The following WNK1 variants were observed in gnomAD, a reference collection of about 807,000 sequenced individuals.
WNK1 encodes WNK lysine deficient protein kinase 1, also known as serine/threonine-protein kinase WNK1.
In WNK1, 38 loss-of-function variants were observed where a neutral mutation model predicts 222.8. That is an observed-to-expected ratio of 0.17 (90% CI 0.13 to 0.22). The LOEUF is 0.22. Among genes scored for constraint, WNK1 ranks in the 10% least tolerant of loss-of-function variants. The pLI is 1.00. For missense variants in WNK1, 2,348 were observed against 2,918.4 expected (o/e 0.80, Z 4.50); for synonymous variants, 1,090 against 1,092.9 (o/e 1.00, Z 0.05).
intron 4 of WNK1, 83 bp from the exon 5 acceptor site, chr12:857,078 C>G (rs1336847575): frequency 2.8e-6 from 4 of 1,437,064 alleles, no homozygotes; most frequent in African/African-American, 1.4e-5. Context: ...AGAAAGGAAC[C>G]TAAAAGAACC....
rs536599119 is a variant in WNK1, at chr12:757,439, C to T, written c.759+3115C>T. Among the ~76,000 whole-genome samples the T allele has an allele frequency of 9.1e-4, 137 of 150,110 alleles. 1 individual carries two copies. Among genetic ancestry groups the T allele is most frequent in the Non-Finnish European group, 1.5e-3 (100 of 67,732 alleles). On this transcript the variant is annotated intron_variant, in intron 1 of 27. Coordinates refer to ENST00000315939, the MANE Select transcript of WNK1 (RefSeq NM_018979.4). ...CTCCTGGGTTCAAGCGATTCTCCTG[C>T]CTCAGCCTCCCAAGTAGCTGGGAGT...
chr12:868,566 T>A, intron 8 of WNK1: 1 of 1,613,978 alleles, frequency 6.2e-7, no homozygotes, highest in Non-Finnish European at 8.5e-7. Context: ...CCTGTCTTTG[T>A]TCCTCATTCT....
At chr12:900,718 G>A (rs1197490197) in intron 26 of WNK1, 48 bp downstream of exon 26, 9 of 1,610,950 alleles carry the variant, frequency 5.6e-6, no homozygotes, top group Non-Finnish European at 6.8e-6. Context: ...TGGAGATGTT[G>A]CCATACCTGG....
intron 1 of WNK1, among the ~76,000 whole-genome samples, chr12:775,655 A>G (rs950157525): frequency 6.6e-6 from 1 of 152,186 alleles, no homozygotes; most frequent in Admixed American, 6.5e-5. Flanking sequence ...TAGCCTGGGC[A>G]ATAGAGCAAC....
chr12:891,634 T>C lies in WNK1; in HGVS notation c.5509+1121T>C, dbSNP rs530090136. On this transcript the variant is annotated intron_variant, in intron 22 of 27. Transcript: ENST00000315939. The stretch of plus-strand genomic sequence containing the variant: ...TTTTTTTTTTTAGTTTTTTAATTTA[T>C]TAGTAATAACAACTTGAGAATTGCA... Among the ~76,000 whole-genome samples the C allele has an allele frequency of 2.6e-5, 4 of 151,394 alleles. 1 individual carries two copies. The highest frequency in any genetic ancestry group is 9.7e-5 in the African/African-American group (4 of 41,366).
At chr12:904,900 A>G (rs72650792) in intron 26 of WNK1, among the ~76,000 whole-genome samples, 1,759 of 152,292 alleles carry the variant, frequency 0.012, 20 homozygotes, top group Non-Finnish European at 0.019. Context: ...TGCTAGATTG[A>G]CGAGGAGAAA....
intron 10 of WNK1, 27 bp downstream of exon 10, chr12:878,388 G>A: frequency 6.4e-7 from 1 of 1,571,160 alleles, no homozygotes; most frequent in Non-Finnish European, 8.7e-7. Flanking sequence ...TTTTTAAACA[G>A]GTAAACTCTT....
At chr12:764,651 A>AAAAG (rs1417242524) in intron 1 of WNK1, among the ~76,000 whole-genome samples, 3 of 144,324 alleles carry the variant, frequency 2.1e-5, no homozygotes, top group South Asian at 2.3e-4. Flanking sequence ...AAAAAAAAAA[A>AAAAG]AAAGAAAGAA....
At chr12:805,973 T>TA (rs1197016413) in intron 1 of WNK1, among the ~76,000 whole-genome samples, 2 of 152,132 alleles carry the variant, frequency 1.3e-5, no homozygotes, top group Non-Finnish European at 2.9e-5. Context: ...AGTCCAAAAT[T>TA]AAGAAAATGC....
intron 17 of WNK1, 58 bp downstream of exon 17, chr12:883,889 G>A: frequency 6.3e-7 from 1 of 1,593,464 alleles, no homozygotes; most frequent in Non-Finnish European, 8.6e-7. Context: ...TTAGCCGAGG[G>A]TGGTGGCAGG....
intron 1 of WNK1, among the ~76,000 whole-genome samples, chr12:810,820 C>G (rs1946836466): frequency 6.6e-6 from 1 of 152,152 alleles, no homozygotes; most frequent in African/African-American, 2.4e-5. Context: ...ATCTACTGAG[C>G]ACTGTAATTT....
intron 1 of WNK1, among the ~76,000 whole-genome samples, chr12:775,436 C>A (rs1338951171): frequency 6.6e-6 from 1 of 152,014 alleles, no homozygotes; most frequent in Non-Finnish European, 1.5e-5. Context: ...AAAGTTTGAT[C>A]AGAAGTTTGA....
At chr12:846,874 G>A (rs949621612) in intron 4 of WNK1, among the ~76,000 whole-genome samples, 2 of 152,138 alleles carry the variant, frequency 1.3e-5, no homozygotes, top group African/African-American at 4.8e-5. Flanking sequence ...AGGAAACTTT[G>A]TATTTATTTC....
At position 911,286 on chromosome 12, in the gene WNK1, A is replaced by AAAT. The variant is rs1956065892; in HGVS notation, c.*2497_*2499dup. The AAAT allele has an allele frequency of 5.0e-6, 2 of 398,540 alleles. No homozygotes were observed. The highest frequency in any genetic ancestry group is 4.1e-5 in the African/African-American group (2 of 48,654). 24.7% of individuals were successfully genotyped at this position (398,540 alleles called of 1,614,324 possible). ...TAACAATGTACACTGTTAAAAATAA[A>AAAT]AATAAAAATTCAAACTTTGGGGGTT... On this transcript the variant is annotated 3_prime_UTR_variant, in exon 28 of 28. Coordinates refer to ENST00000315939, the MANE Select transcript of WNK1 (RefSeq NM_018979.4).
intron 2 of WNK1, among the ~76,000 whole-genome samples, chr12:814,314 CTG>C (rs1223103594): frequency 1.4e-5 from 2 of 143,354 alleles, no homozygotes; most frequent in Admixed American, 1.4e-4. Flanking sequence ...AGGTGAGACT[CTG>C]TCTCCAAAAA....
At chr12:779,839 A>T (rs1185826110) in intron 1 of WNK1, among the ~76,000 whole-genome samples, 1 of 152,160 alleles carries the variant, frequency 6.6e-6, no homozygotes, top group Non-Finnish European at 1.5e-5. Flanking sequence ...TTCTCTGTGG[A>T]TGCGAAGAAC....
intron 4 of WNK1, among the ~76,000 whole-genome samples, chr12:833,216 T>G (rs1389738671): frequency 2.0e-5 from 3 of 152,244 alleles, no homozygotes; most frequent in South Asian, 2.1e-4. Context: ...GCCACAACTC[T>G]GATTTCACAT....
At chr12:862,421 A>T in intron 8 of WNK1, 151 bp downstream of exon 8, 2 of 874,524 alleles carry the variant, frequency 2.3e-6, no homozygotes, top group Middle Eastern at 7.0e-4. Context: ...ATAGAGTAGG[A>T]TATAGACATT....
rs748037310 is a variant in WNK1 at position 830,133 on chromosome 12, T to C, written c.1284T>C (p.Ala428=). The C allele has an allele frequency of 6.2e-6, 10 of 1,614,076 alleles. No homozygotes were observed. The Admixed American group carries it at 1.7e-4, about 27-fold the overall frequency. ...SEYPYSECQN[A]AQIYRRVTSG... is the part of the protein sequence containing the mutation. ...ATCCTTACTCGGAGTGCCAAAATGCTGCACAGATCTACCGTCGCGTGACCA... is the reference window on the plus strand; with the variant it reads ...ATCCTTACTCGGAGTGCCAAAATGCCGCACAGATCTACCGTCGCGTGACCA... Residue 428 remains alanine, a synonymous_variant, in exon 4 of 28, where the codon GCT becomes GCC. Transcript: ENST00000315939.
Sources: allele counts gnomAD v4.1 joint callset (sites outside exome capture counted in the v4.1 genomes callset), GRCh38; gene constraint gnomAD v4.1.1; transcripts MANE v1.5; gene names NCBI Gene and HGNC (gene_info 2026-07-23, HGNC 2026-07-21).